Variants in GATM observed in about 807,000 individuals in gnomAD.
GATM encodes the protein glycine amidinotransferase, also known as glycine amidinotransferase, mitochondrial.
A neutral mutation model predicts 54.2 loss-of-function variants in GATM; 23 were observed. That is an observed-to-expected ratio of 0.42 (90% CI 0.31 to 0.60). The LOEUF is 0.60. GATM is among the 20% of genes least tolerant of loss of function. The pLI is 0.14. For missense variants in GATM, 401 were observed against 544.9 expected (o/e 0.74, Z 2.63); for synonymous variants, 168 against 183.1 (o/e 0.92, Z 0.67).
rs142317709 is a variant in GATM at position 45,392,368 on chromosome 15, C to A, written c.-319+4554G>T. ...GGAAAACTTTCTGCATGTGTATGCA[C>A]GTGCGTGTGCGTGCATGTGTGTGTG... On this transcript the variant is annotated intron_variant, in intron 3 of 4. Transcript: ENST00000561148. 3.3e-5 allele frequency among the ~76,000 whole-genome samples: 5 copies of A among 152,308 alleles called. No homozygotes were observed. The East Asian group carries it at 9.7e-4, about 29-fold the overall frequency.
rs1239635711 is a variant in GATM, at chr15:45,376,728, T to C, written c.161A>G (p.Asp54Gly). 8.1e-6 allele frequency: 13 copies of C among 1,614,222 alleles called. No individual in the cohort carries two copies. The highest frequency in any genetic ancestry group is 1.6e-4 in the Middle Eastern group (1 of 6,062). Residue 54 changes from aspartate (D) to glycine (G), a missense_variant, in exon 2 of 9, where the codon GAC (aspartate) becomes GGC (glycine). Physicochemically the swap from Asp to Gly is moderately conservative, Grantham distance 94. This residue lies in a region of GATM where 70 missense variants were observed against 61.5 expected (regional missense o/e 1.14). Transcript: ENST00000396659. ...ASSRNSCAAD[D>G]KATEPLPKDC... is the part of the protein sequence containing the mutation. ...CTTGGGCAGAGGCTCAGTGGCTTTG[T>C]CGTCAGCTGCACAGGAGTTCCGGGA...
intron 3 of GATM, among the ~76,000 whole-genome samples, chr15:45,384,621 C>T (rs67461176): frequency 0.32 from 48,530 of 151,984 alleles, 8,851 homozygotes; most frequent in East Asian, 0.83. Flanking sequence ...TAATTACAAC[C>T]CTCGGACTTT....
chr15:45,363,968 A>G lies in GATM; in HGVS notation c.1091T>C (p.Met364Thr). ...CACCATAACACGTTTTTCATCTAGCATTAAGACATTCATGGAAAGCCATTT... is the reference window on the plus strand; with the variant it reads ...CACCATAACACGTTTTTCATCTAGCGTTAAGACATTCATGGAAAGCCATTT... ...SSKWLSMNVL[M>T]LDEKRVMVDA... The change falls in exon 8 of 9, where the codon ATG becomes ACG. Residue 364 changes from methionine (M) to threonine (T), a missense_variant. Met to Thr is a moderately conservative substitution (Grantham distance 81). Transcript: ENST00000396659. 6.2e-7 allele frequency: 1 copy of G among 1,613,648 alleles called. No homozygotes were observed.
Position 45,368,005 on chromosome 15 carries a change from T to C in GATM, c.675+65A>G. On this transcript the variant is annotated intron_variant, in intron 4 of 8. Transcript: ENST00000396659. This position sits in a 1 kb window ranked among gnomAD's most constrained non-coding sequence, Gnocchi z 5.1. ...TATATACAAGGTATCAGAGAATCTC[T>C]ATCTTACTCTTTGTGGATCATTTAG... 1.4e-6 allele frequency: 2 copies of C among 1,403,926 alleles called. No individual in the cohort carries two copies. The highest frequency in any genetic ancestry group is 2.0e-6 in the Non-Finnish European group (2 of 994,916). 87.0% of individuals were successfully genotyped at this position (1,403,926 alleles called of 1,614,324 possible).
At chr15:45,371,734 C>G (rs528824521) in intron 2 of GATM, among the ~76,000 whole-genome samples, 3 of 152,206 alleles carry the variant, frequency 2.0e-5, no homozygotes, top group African/African-American at 7.2e-5. Flanking sequence ...TGGGACTTGG[C>G]CATGTTATAC....
chr15:45,386,040 A>T lies in GATM; in HGVS notation c.-318-9221T>A, dbSNP rs903589331. ...CTTATGTACATGTAAAAGTAATAAA[A>T]TTTGTACGCTTTTCTCTTGTTAATC... On this transcript the variant is annotated intron_variant, in intron 3 of 4. Coordinates refer to the GATM transcript ENST00000561148. Among the ~76,000 whole-genome samples, 6 of 152,214 alleles carry T rather than the reference A, an allele frequency of 3.9e-5. No homozygotes were observed. The East Asian group carries it at 1.2e-3, about 29-fold the overall frequency.
intron 3 of GATM, among the ~76,000 whole-genome samples, chr15:45,393,807 G>A (rs980575513): frequency 6.6e-6 from 1 of 152,092 alleles, no homozygotes; most frequent in African/African-American, 2.4e-5. Flanking sequence ...CATCATGTCA[G>A]CACTCAAAAA....
chr15:45,373,754 C>A (rs1437889816), intron 2 of GATM, among the ~76,000 whole-genome samples: 5 of 152,036 alleles, frequency 3.3e-5, no homozygotes, highest in Non-Finnish European at 7.4e-5. Flanking sequence ...TTCTCTACTA[C>A]GAGGCATGGC....
In GATM at chr15:45,369,535, C is replaced by T; in HGVS notation, c.289-14G>A. The T allele has an allele frequency of 6.2e-7, 1 of 1,608,602 alleles. No homozygotes were observed. On this transcript the variant is annotated splice_polypyrimidine_tract_variant and intron_variant, in intron 2 of 8. Transcript: ENST00000396659. Reference sequence around the variant, plus strand: ...ATATGTGTTGGCCTGGAAGTAGAAGCAAATAAACACAATACTTACAGGAGA... The same window carrying T: ...ATATGTGTTGGCCTGGAAGTAGAAGTAAATAAACACAATACTTACAGGAGA...
upstream of GATM, chr15:45,380,249 GA>G (rs35353298): frequency 0.012 from 1,439 of 119,754 alleles, 22 homozygotes; most frequent in Admixed American, 0.024. Context: ...TCCATCTGGG[GA>G]AAAAAAAAAA....
chr15:45,364,196 T>C (rs1889409995), intron 7 of GATM, 180 bp from the exon 8 acceptor site: 1 of 607,162 alleles, frequency 1.6e-6, no homozygotes, highest in Middle Eastern at 4.3e-4. Context: ...TCTGTACTCA[T>C]TATACATTTG....
intron 3 of GATM, among the ~76,000 whole-genome samples, chr15:45,387,921 T>TCCA (rs1202269391): frequency 6.6e-6 from 1 of 152,252 alleles, no homozygotes; most frequent in East Asian, 1.9e-4. Flanking sequence ...ACTTTGATTT[T>TCCA]ATACTCTGGG....
chr15:45,391,250 C>CAA lies in GATM; in HGVS notation c.-319+5670_-319+5671dup, dbSNP rs146787362. Among the ~76,000 whole-genome samples, 449 of 117,320 alleles carry CAA rather than the reference C, an allele frequency of 3.8e-3. 2 individuals carry two copies. The highest frequency in any genetic ancestry group is 5.6e-3 in the Non-Finnish European group (274 of 48,676). 77.0% of individuals were successfully genotyped at this position (117,320 alleles called of 152,430 possible). A position where few individuals can be genotyped will look rare whatever the true frequency, so the allele number is the denominator to read the frequency against. On this transcript the variant is annotated intron_variant, in intron 3 of 4. Coordinates refer to the GATM transcript ENST00000561148. ...TGAAACCCCATCTCTACTAAAAATA[C>CAA]AAAAAAAAAAAAAAAGCTGGGCATG...
upstream of GATM, chr15:45,378,668 G>C (rs1428181828): frequency 5.0e-6 from 2 of 404,040 alleles, no homozygotes; most frequent in Admixed American, 4.7e-5. Flanking sequence ...AGGAACTGTC[G>C]GGAAGCGCCG....
chr15:45,383,104 G>T (rs139066135), upstream of GATM, among the ~76,000 whole-genome samples: 1,059 of 152,262 alleles, frequency 7.0e-3, 10 homozygotes, highest in African/African-American at 0.022. Flanking sequence ...CACAGCCAGA[G>T]TCCTTAATCA....
chr15:45,369,713 A>G, intron 2 of GATM, 192 bp from the exon 3 acceptor site: 1 of 600,746 alleles, frequency 1.7e-6, no homozygotes, highest in East Asian at 2.9e-5. Flanking sequence ...TGAATGAAGA[A>G]CTCTAAAACA....
At chr15:45,373,927 T>C (rs1311662961) in intron 2 of GATM, among the ~76,000 whole-genome samples, 1 of 152,160 alleles carries the variant, frequency 6.6e-6, no homozygotes. Flanking sequence ...ACGAATGAAA[T>C]CAATACTGCT....
At chr15:45,378,579 C>T (rs1457552227), upstream of GATM, 1 of 662,384 alleles carries the variant, frequency 1.5e-6, no homozygotes, top group Admixed American at 4.2e-5. Flanking sequence ...CTTTTGTAGC[C>T]GCGCTCCGCC....
chr15:45,382,436 T>G (rs1889752431), upstream of GATM, among the ~76,000 whole-genome samples: 1 of 151,986 alleles, frequency 6.6e-6, no homozygotes, highest in African/African-American at 2.4e-5. Context: ...CTGAGGTGGG[T>G]GGATCACCTG....
Sources: gnomAD v4.1 joint callset for allele counts (sites outside exome capture counted in the v4.1 genomes callset) on GRCh38, gnomAD v4.1.1 for gene constraint, gnomAD v4.1.1 regional missense constraint, Gnocchi (gnomAD v3.1) non-coding constraint, MANE v1.5 for transcripts, NCBI Gene and HGNC (gene_info 2026-07-23, HGNC 2026-07-21) for gene names.